NRXN3: variants seen among roughly 807,000 people sequenced by gnomAD.
The protein encoded by NRXN3 is neurexin 3.
A neutral mutation model predicts 137.6 loss-of-function variants in NRXN3; 32 were observed. The ratio of observed to expected loss-of-function variants is 0.23; its 90% confidence interval spans 0.18 to 0.31. The LOEUF (loss-of-function observed/expected upper bound fraction) is 0.31, where lower values mean the gene tolerates loss of function less well. NRXN3 is among the 10% of genes least tolerant of loss of function. The pLI is 1.00. For missense variants in NRXN3, 1,574 were observed against 2,062.5 expected (o/e 0.76, Z 4.59); for synonymous variants, 798 against 784.5 (o/e 1.02, Z -0.29).
chr14:79,211,130 AT>A (rs942505488), intron 15 of NRXN3, among the ~76,000 whole-genome samples: 5 of 152,144 alleles, frequency 3.3e-5, no homozygotes, highest in African/African-American at 1.2e-4. Flanking sequence ...AATAGCCTAA[AT>A]TTGTGTCTGG....
intron 19 of NRXN3, among the ~76,000 whole-genome samples, chr14:79,740,019 T>A (rs2098955579): frequency 6.6e-6 from 1 of 152,156 alleles, no homozygotes; most frequent in Admixed American, 6.5e-5. Flanking sequence ...GGCTGCTGCC[T>A]CAGACTCACT....
intron 15 of NRXN3, among the ~76,000 whole-genome samples, chr14:79,077,735 A>T (rs1236374094): frequency 6.6e-6 from 1 of 152,166 alleles, no homozygotes; most frequent in African/African-American, 2.4e-5. Flanking sequence ...ATTTTATATA[A>T]CTATAATATA....
rs1461153372 is a variant in NRXN3 at position 78,484,025 on chromosome 14, C to CAGAG, written c.758-161094_758-161093insGAGA. Among the ~76,000 whole-genome samples, 35 of 114,028 alleles carry CAGAG rather than the reference C, an allele frequency of 3.1e-4. No individual in the cohort carries two copies. In the East Asian group the frequency reaches 3.7e-3, roughly 12 times the overall value. 74.8% of individuals were successfully genotyped at this position (114,028 alleles called of 152,430 possible). On this transcript the variant is annotated intron_variant, in intron 4 of 20. Transcript: ENST00000335750. ...ACACACACACACACACACACACACA[C>CAGAG]ACAGAGAGAGAGAGAGAGAGAGAGC...
intron 4 of NRXN3, among the ~76,000 whole-genome samples, chr14:78,528,070 G>A (rs1485398798): frequency 3.3e-5 from 5 of 152,164 alleles, no homozygotes; most frequent in Non-Finnish European, 7.3e-5. Context: ...ATTCACTTTT[G>A]TTATGATCCT....
intron 16 of NRXN3, among the ~76,000 whole-genome samples, chr14:79,563,420 A>T (rs2097520449): frequency 6.6e-6 from 1 of 152,126 alleles, no homozygotes; most frequent in Admixed American, 6.6e-5. Context: ...AAGATCTTTT[A>T]TGGGTATCAG....
intron 16 of NRXN3, among the ~76,000 whole-genome samples, chr14:79,472,541 C>T (rs2096523458): frequency 6.6e-6 from 1 of 152,142 alleles, no homozygotes; most frequent in Non-Finnish European, 1.5e-5. Flanking sequence ...TTGAAAAAGG[C>T]AAAGAGATCT....
chr14:79,158,504 T>G (rs988943577), intron 15 of NRXN3, among the ~76,000 whole-genome samples: 2 of 151,836 alleles, frequency 1.3e-5, no homozygotes, highest in African/African-American at 4.8e-5. Context: ...TAGTATTTAA[T>G]CAAATGTACT....
intron 19 of NRXN3, among the ~76,000 whole-genome samples, chr14:79,734,024 T>C (rs775330890): frequency 2.0e-5 from 3 of 152,196 alleles, no homozygotes; most frequent in Non-Finnish European, 2.9e-5. Flanking sequence ...CAAGATTCAC[T>C]GACTTGGAGT....
chr14:79,537,229 T>C (rs887943412), intron 16 of NRXN3, among the ~76,000 whole-genome samples: 1 of 152,186 alleles, frequency 6.6e-6, no homozygotes, highest in East Asian at 1.9e-4. Flanking sequence ...TTGAGCTTTT[T>C]TTCATGTTTG....
intron 10 of NRXN3, among the ~76,000 whole-genome samples, chr14:78,931,859 A>G (rs1379002463): frequency 1.3e-5 from 2 of 152,284 alleles, no homozygotes; most frequent in South Asian, 2.1e-4. Context: ...GCTAAAAGCC[A>G]AGGAAGGCTG....
chr14:78,549,347 C>T (rs1001293254), intron 4 of NRXN3, among the ~76,000 whole-genome samples: 1 of 152,128 alleles, frequency 6.6e-6, no homozygotes, highest in African/African-American at 2.4e-5. Context: ...CCTGAAGGCC[C>T]TTCTCCTTCT....
intron 4 of NRXN3, among the ~76,000 whole-genome samples, chr14:78,636,829 A>AT (rs201325159): frequency 0.062 from 9,250 of 148,828 alleles, 344 homozygotes; most frequent in Middle Eastern, 0.15. Flanking sequence ...TTCTTTTTTT[A>AT]TTTTTTATTT....
At position 79,396,496 on chromosome 14, in the gene NRXN3, G is replaced by A. The variant is rs555850736; in HGVS notation, c.3263-70725G>A. Among the ~76,000 whole-genome samples, 8 of 152,198 alleles carry A rather than the reference G, an allele frequency of 5.3e-5. No individual in the cohort carries two copies. In the South Asian group the frequency reaches 1.2e-3, roughly 24 times the overall value. ...GATTCAAATTCAGTACATCCAGAGC[G>A]GGTCCTGGTGCTGTTTTTAAAACAT... On this transcript the variant is annotated intron_variant, in intron 15 of 20. Coordinates refer to ENST00000335750, the MANE Select transcript of NRXN3 (RefSeq NM_001330195.2).
At chr14:78,491,477 T>C (rs1032904188) in intron 4 of NRXN3, among the ~76,000 whole-genome samples, 2 of 152,122 alleles carry the variant, frequency 1.3e-5, no homozygotes, top group Non-Finnish European at 2.9e-5. Context: ...TCCCAGGAGC[T>C]TGTTGGATTG....
At chr14:79,847,419 T>C (rs1461830471) in intron 20 of NRXN3, among the ~76,000 whole-genome samples, 1 of 152,178 alleles carries the variant, frequency 6.6e-6, no homozygotes, top group Non-Finnish European at 1.5e-5. Context: ...TTGTATTCCT[T>C]TTTTGGCAAG....
intron 19 of NRXN3, among the ~76,000 whole-genome samples, chr14:79,730,230 C>T (rs1744049254): frequency 6.6e-6 from 1 of 152,198 alleles, no homozygotes; most frequent in African/African-American, 2.4e-5. Flanking sequence ...TGTGCCACAG[C>T]ATCCCACTTT....
At position 79,697,100 on chromosome 14, in the gene NRXN3, A is replaced by G. The variant is rs75824865; in HGVS notation, c.3707-530A>G. Among the ~76,000 whole-genome samples the G allele has an allele frequency of 5.4e-3, 818 of 152,104 alleles. 2 individuals carry two copies. The highest frequency in any genetic ancestry group is 0.02 in the South Asian group (98 of 4,826). The stretch of plus-strand genomic sequence containing the variant: ...TGGTGACTAGTAGTTCATTTTTACA[A>G]GTATGCAATGAATCCAAGTCTCTTA... On this transcript the variant is annotated intron_variant, in intron 18 of 20. Transcript: ENST00000335750.
intron 19 of NRXN3, among the ~76,000 whole-genome samples, chr14:79,803,471 A>G (rs1272435883): frequency 2.0e-5 from 3 of 152,050 alleles, no homozygotes; most frequent in Non-Finnish European, 2.9e-5. Flanking sequence ...GCGTCTTTAT[A>G]TGGCCTTCCT....
rs145563125 is a variant in NRXN3 at position 79,623,948 on chromosome 14, G to A, written c.3445-39830G>A. On this transcript the variant is annotated intron_variant, in intron 16 of 20. Transcript: ENST00000335750. ...TGTTAATCATTCTTCTTCCACTACC[G>A]TTGTCTTTTCCCATCCTCTTGGAAG... 7.1e-3 allele frequency among the ~76,000 whole-genome samples: 1,019 copies of A among 143,642 alleles called. 12 individuals carry two copies. The highest frequency in any genetic ancestry group is 0.052 in the Middle Eastern group (13 of 248). The allele number at this position is 143,642 out of a possible 152,430, so 94.2% of individuals were successfully genotyped here.
Sources: gnomAD v4.1 joint callset for allele counts (sites outside exome capture counted in the v4.1 genomes callset) on GRCh38, gnomAD v4.1.1 for gene constraint, MANE v1.5 for transcripts, NCBI Gene and HGNC (gene_info 2026-07-23, HGNC 2026-07-21) for gene names.